TXNDC5: variants seen among roughly 807,000 people sequenced by gnomAD.
The protein encoded by TXNDC5 is thioredoxin domain-containing protein 5.
TXNDC5 carries 44 observed loss-of-function variants against 52.6 expected under a neutral mutation model. The observed-to-expected ratio is 0.84, with a 90% confidence interval of 0.66 to 1.08. TXNDC5 has a LOEUF of 1.08. Ranked by LOEUF, TXNDC5 falls within the 50% of genes least tolerant of loss-of-function variation. The pLI is 0.00. For missense variants in TXNDC5, 600 were observed against 565.5 expected, an observed-to-expected ratio of 1.06 and a Z score of -0.62; for synonymous variants, 241 against 234.4, an observed-to-expected ratio of 1.03 and a Z score of -0.26.
chr6:7,888,227 C>A (rs539411749), intron 7 of TXNDC5, among the ~76,000 whole-genome samples: 4 of 152,196 alleles, frequency 2.6e-5, no homozygotes, highest in Non-Finnish European at 1.5e-5. Context: ...AGGCAGGTTA[C>A]AGCTACAGTC....
intron 7 of TXNDC5, among the ~76,000 whole-genome samples, chr6:7,887,042 C>G (rs1186657009): frequency 3.9e-5 from 6 of 152,204 alleles, no homozygotes; most frequent in Non-Finnish European, 8.8e-5. Context: ...GACACATACA[C>G]TCCTCTAACA....
chr6:7,892,633 G>T (rs145951613), intron 4 of TXNDC5, among the ~76,000 whole-genome samples: 6 of 152,052 alleles, frequency 3.9e-5, no homozygotes, highest in African/African-American at 1.2e-4. Context: ...TGCTGGTCTC[G>T]TGATAGTGAA....
intron 8 of TXNDC5, among the ~76,000 whole-genome samples, chr6:7,884,774 A>G (rs572890958): frequency 6.6e-6 from 1 of 152,352 alleles, no homozygotes; most frequent in African/African-American, 2.4e-5. Flanking sequence ...GCCATGGTGA[A>G]CTGTGCTAAC....
intron 6 of TXNDC5, chr6:7,889,235 C>G: frequency 2.1e-6 from 1 of 477,372 alleles, no homozygotes; most frequent in Non-Finnish European, 3.7e-6. Flanking sequence ...TGTTTACAAC[C>G]AGAGCACAGT....
Position 7,899,595 on chromosome 6 carries a change from G to A in TXNDC5, c.500C>T (p.Thr167Ile), listed in dbSNP as rs769313615. The A allele has an allele frequency of 3.1e-6, 5 of 1,613,808 alleles. No homozygotes were observed. In the East Asian group the frequency reaches 1.1e-4, roughly 36 times the overall value. Residue 167 changes from threonine (T) to isoleucine (I), a missense_variant, in exon 3 of 10, where the codon ACA (threonine) becomes ATA (isoleucine). Physicochemically the swap from Thr to Ile is moderately conservative, Grantham distance 89. Transcript: ENST00000379757. ...ACTCACCACTGGCTCCTCGTTCAGT[G>A]TCTGCAGCATCCAGTTTTCCAGTGT... Reference protein sequence around the residue: ...FQTLENWMLQTLNEEPVTPEP... With the variant: ...FQTLENWMLQILNEEPVTPEP...
intron 2 of TXNDC5, among the ~76,000 whole-genome samples, chr6:7,902,054 C>T (rs1035019968): frequency 3.3e-5 from 5 of 152,046 alleles, no homozygotes; most frequent in Non-Finnish European, 7.4e-5. Flanking sequence ...GAGAGAAGGG[C>T]ATGTGAGGAC....
At chr6:7,884,626 TC>T in intron 8 of TXNDC5, 138 bp from the exon 9 acceptor site, 1 of 1,197,966 alleles carries the variant, frequency 8.3e-7, no homozygotes, top group Non-Finnish European at 1.2e-6. Flanking sequence ...TACCAAATTC[TC>T]CCACTGGGTG....
At chr6:7,902,297 A>G (rs1275080445) in intron 2 of TXNDC5, among the ~76,000 whole-genome samples, 2 of 152,170 alleles carry the variant, frequency 1.3e-5, no homozygotes, top group Non-Finnish European at 2.9e-5. Flanking sequence ...AAACTAACAC[A>G]GGTAGTTCCC....
rs117033349 is a variant in TXNDC5, at chr6:7,886,913, C to T, written c.964-870G>A. On this transcript the variant is annotated intron_variant, in intron 7 of 9. Coordinates refer to ENST00000379757, the MANE Select transcript of TXNDC5 (RefSeq NM_030810.5). ...TTATGTCCAGAAACATGACGCCACACGCACTGAAAAGACCCACTTCATGGT... is the reference window on the plus strand; with the variant it reads ...TTATGTCCAGAAACATGACGCCACATGCACTGAAAAGACCCACTTCATGGT... Among the ~76,000 whole-genome samples, 332 of 152,216 alleles carry T rather than the reference C, an allele frequency of 2.2e-3. 3 individuals are homozygous for T. In the East Asian group the frequency reaches 0.023, roughly 10 times the overall value.
At chr6:7,900,656 T>A (rs1022747134) in intron 2 of TXNDC5, among the ~76,000 whole-genome samples, 3 of 152,112 alleles carry the variant, frequency 2.0e-5, no homozygotes, top group African/African-American at 7.2e-5. Context: ...TTGGGTGTCT[T>A]AGAAACAACA....
intron 3 of TXNDC5, 37 bp downstream of exon 3, chr6:7,899,538 AG>A (rs1760490044): frequency 9.3e-7 from 1 of 1,079,196 alleles, no homozygotes; most frequent in Non-Finnish European, 1.2e-6. Context: ...GGAGAGAGGG[AG>A]GGAGGGAGGG....
At chr6:7,904,522 T>C (rs1269442098) in intron 2 of TXNDC5, 52 bp downstream of exon 2, 1 of 1,598,626 alleles carries the variant, frequency 6.3e-7, no homozygotes, top group African/African-American at 1.3e-5. Context: ...ACTAGGACTT[T>C]CTTTGTAGCC....
At chr6:7,886,362 ACT>A (rs577611203) in intron 7 of TXNDC5, among the ~76,000 whole-genome samples, 53 of 149,042 alleles carry the variant, frequency 3.6e-4, no homozygotes, top group Admixed American at 1.3e-3. Flanking sequence ...CAGGTTGAAA[ACT>A]CTCCAGGGCG....
At chr6:7,892,807 T>C (rs919190128) in intron 4 of TXNDC5, among the ~76,000 whole-genome samples, 1 of 152,256 alleles carries the variant, frequency 6.6e-6, no homozygotes, top group Non-Finnish European at 1.5e-5. Flanking sequence ...ATTAAACCTC[T>C]TTCCTTTGTA....
chr6:7,910,654 C>A lies in TXNDC5; in HGVS notation c.123G>T (p.Ala41=). The change falls in exon 1 of 10, where the codon GCG becomes GCT. Residue 41 remains alanine (A), a synonymous_variant. Transcript: ENST00000379757. ...GGGGCCCGTCCGCCGCCGCCGCCGCCGCCTCCTGGGCCCGGGCGCCCCAGC... is the reference window on the plus strand; with the variant it reads ...GGGGCCCGTCCGCCGCCGCCGCCGCAGCCTCCTGGGCCCGGGCGCCCCAGC... ...GGRWGARAQE[A]AAAAADGPPA... is the part of the protein sequence containing the mutation. The A allele has an allele frequency of 7.8e-7, 1 of 1,278,958 alleles. No individual in the cohort carries two copies. The allele number at this position is 1,278,958 out of a possible 1,614,324, so 79.2% of individuals were successfully genotyped here.
chr6:7,888,053 A>G (rs1265611274), intron 7 of TXNDC5, among the ~76,000 whole-genome samples: 1 of 152,034 alleles, frequency 6.6e-6, no homozygotes, highest in Non-Finnish European at 1.5e-5. Flanking sequence ...TGCCTCAGAG[A>G]CCTGTATGCT....
At chr6:7,883,628 G>A (rs984986102) in intron 9 of TXNDC5, among the ~76,000 whole-genome samples, 4 of 152,156 alleles carry the variant, frequency 2.6e-5, no homozygotes, top group African/African-American at 4.8e-5. Context: ...CCTCCCTGGC[G>A]ATGCCCTGGT....
intron 3 of TXNDC5, among the ~76,000 whole-genome samples, chr6:7,898,714 A>C (rs1228376025): frequency 6.6e-6 from 1 of 152,144 alleles, no homozygotes; most frequent in Non-Finnish European, 1.5e-5. Context: ...GGACCTGAGC[A>C]CTCGGCATTA....
Position 7,904,612 on chromosome 6 carries a change from G to A in TXNDC5, c.375C>T (p.Ser125=), listed in dbSNP as rs145214714. The A allele has an allele frequency of 1.3e-5, 21 of 1,614,126 alleles. No individual in the cohort carries two copies. The highest frequency in any genetic ancestry group is 3.3e-4 in the Middle Eastern group (2 of 6,062). The part of the protein sequence containing the change: ...YVAKVDCTAH[S]DVCSAQGVRG... Reference sequence around the variant, plus strand: ...GCACCCCCTGGGCGGAGCACACGTCGGAGTGGGCCGTGCAGTCCACTTTAG... The same window carrying A: ...GCACCCCCTGGGCGGAGCACACGTCAGAGTGGGCCGTGCAGTCCACTTTAG... Residue 125 remains serine (S), a synonymous_variant, in exon 2 of 10, where the codon TCC becomes TCT. Coordinates refer to ENST00000379757, the MANE Select transcript of TXNDC5 (RefSeq NM_030810.5).
Sources: gnomAD v4.1 joint callset for allele counts (sites outside exome capture counted in the v4.1 genomes callset) on GRCh38, gnomAD v4.1.1 for gene constraint, MANE v1.5 for transcripts, NCBI Gene and HGNC (gene_info 2026-07-23, HGNC 2026-07-21) for gene names.